Variants in CADPS2 observed in about 807,000 individuals in gnomAD.
CADPS2 encodes calcium-dependent secretion activator 2.
Under a neutral mutation model 172.5 loss-of-function variants are expected in CADPS2, and 93 were observed. The observed-to-expected ratio is 0.54, with a 90% confidence interval of 0.46 to 0.64. The LOEUF is 0.64. Ranked by LOEUF, CADPS2 falls within the 30% of genes least tolerant of loss-of-function variation. CADPS2 has a pLI of 0.00. For missense variants in CADPS2, 1,420 were observed against 1,565.9 expected (o/e 0.91, Z 1.57); for synonymous variants, 546 against 555.2 (o/e 0.98, Z 0.23).
At chr7:122,729,878 G>C (rs917489991) in intron 2 of CADPS2, among the ~76,000 whole-genome samples, 2 of 151,544 alleles carry the variant, frequency 1.3e-5, no homozygotes, top group African/African-American at 4.8e-5. Flanking sequence ...ATGAAGAGGA[G>C]CAGCAGCAGA....
chr7:122,864,046 A>G (rs1402125837), intron 1 of CADPS2, among the ~76,000 whole-genome samples: 1 of 152,120 alleles, frequency 6.6e-6, no homozygotes, highest in Non-Finnish European at 1.5e-5. Context: ...AATAATAAAT[A>G]AAGTGTAGAT....
At chr7:122,384,428 GT>G (rs1329745259) in intron 24 of CADPS2, among the ~76,000 whole-genome samples, 1 of 151,910 alleles carries the variant, frequency 6.6e-6, no homozygotes, top group East Asian at 1.9e-4. Flanking sequence ...TAATGATCTA[GT>G]TTTTTTCAAC....
chr7:122,497,399 A>G (rs1182906441), intron 9 of CADPS2, among the ~76,000 whole-genome samples: 1 of 151,986 alleles, frequency 6.6e-6, no homozygotes, highest in Non-Finnish European at 1.5e-5. Flanking sequence ...CCCTGTCTCT[A>G]TTAAACATTA....
At chr7:122,391,649 A>G (rs537894039) in intron 22 of CADPS2, among the ~76,000 whole-genome samples, 20 of 152,254 alleles carry the variant, frequency 1.3e-4, no homozygotes, top group African/African-American at 4.6e-4. Context: ...ATTCACATGT[A>G]ACATAATATC....
intron 8 of CADPS2, among the ~76,000 whole-genome samples, chr7:122,520,085 T>C (rs2060664212): frequency 6.6e-6 from 1 of 152,026 alleles, no homozygotes; most frequent in African/African-American, 2.4e-5. Context: ...TCTAAAAGCT[T>C]TCATTTGCAA....
chr7:122,544,436 C>T (rs969053408), intron 8 of CADPS2, among the ~76,000 whole-genome samples: 6 of 152,090 alleles, frequency 3.9e-5, no homozygotes, highest in African/African-American at 9.7e-5. Flanking sequence ...TGACTTAAAA[C>T]GACAACGATT....
At chr7:122,641,467 T>C (rs2077635918) in intron 3 of CADPS2, among the ~76,000 whole-genome samples, 2 of 152,220 alleles carry the variant, frequency 1.3e-5, no homozygotes, top group African/African-American at 4.8e-5. Context: ...TTTGTAGAGA[T>C]GCATATTTTT....
intron 7 of CADPS2, among the ~76,000 whole-genome samples, chr7:122,557,926 A>G (rs892652712): frequency 3.9e-5 from 6 of 152,144 alleles, no homozygotes; most frequent in Admixed American, 3.9e-4. Context: ...ATCAAGATAC[A>G]GGTTTGATGT....
chr7:122,786,488 C>T (rs1440994454), intron 1 of CADPS2, among the ~76,000 whole-genome samples: 1 of 152,096 alleles, frequency 6.6e-6, no homozygotes, highest in Non-Finnish European at 1.5e-5. Context: ...TTCTCTTCTA[C>T]CATTTGTCAA....
At chr7:122,481,896 G>A (rs1014202986) in intron 11 of CADPS2, among the ~76,000 whole-genome samples, 38 of 151,842 alleles carry the variant, frequency 2.5e-4, no homozygotes, top group African/African-American at 8.0e-4. Context: ...CTGTAATCCC[G>A]GCTGCTGAGA....
At chr7:122,763,949 G>A (rs1219600397) in intron 1 of CADPS2, among the ~76,000 whole-genome samples, 1 of 152,028 alleles carries the variant, frequency 6.6e-6, no homozygotes, top group Admixed American at 6.6e-5. Context: ...TTGTTTCATT[G>A]ACATATCCAA....
At chr7:122,794,121 CA>C (rs1795864829) in intron 1 of CADPS2, among the ~76,000 whole-genome samples, 2 of 151,886 alleles carry the variant, frequency 1.3e-5, no homozygotes, top group South Asian at 4.1e-4. Flanking sequence ...CTTCTTGCTT[CA>C]TTTCCTAAAC....
chr7:122,856,358 C>T (rs544493109), intron 1 of CADPS2, among the ~76,000 whole-genome samples: 1 of 152,324 alleles, frequency 6.6e-6, no homozygotes, highest in African/African-American at 2.4e-5. Context: ...GGAATCATCT[C>T]TAAATCCTAC....
At chr7:122,579,051 A>G (rs952795453) in intron 7 of CADPS2, among the ~76,000 whole-genome samples, 1 of 152,148 alleles carries the variant, frequency 6.6e-6, no homozygotes, top group African/African-American at 2.4e-5. Flanking sequence ...ATATCAATAT[A>G]CAATTGGAAA....
chr7:122,387,040 C>G lies in CADPS2; in HGVS notation c.3298G>C (p.Asp1100His). The G allele has an allele frequency of 1.3e-6, 2 of 1,557,756 alleles. No individual in the cohort carries two copies. Among genetic ancestry groups the G allele is most frequent in the Non-Finnish European group, 1.7e-6 (2 of 1,149,270 alleles). ...KKQSTKLCAL[D>H]GGQEQQYHSK... ...ATTCTACATACCTCTTGTCCTCCAT[C>G]CAGGGCACAGAGTTTGGTGCTTTGC... Residue 1100 changes from aspartate to histidine, a missense_variant, in exon 24 of 30, where the codon GAT (aspartate) becomes CAT (histidine). Physicochemically the swap from Asp to His is moderately conservative, Grantham distance 81 (BLOSUM62 -1). Coordinates refer to ENST00000449022, the MANE Select transcript of CADPS2 (RefSeq NM_017954.11).
intron 1 of CADPS2, among the ~76,000 whole-genome samples, chr7:122,808,054 G>A (rs1001282850): frequency 2.0e-5 from 3 of 152,106 alleles, no homozygotes; most frequent in Admixed American, 2.0e-4. Flanking sequence ...CTCAGCACTT[G>A]CCACAATAAC....
chr7:122,474,013 G>T (rs1434632873), intron 13 of CADPS2, among the ~76,000 whole-genome samples: 2 of 152,174 alleles, frequency 1.3e-5, no homozygotes, highest in Non-Finnish European at 2.9e-5. Flanking sequence ...CTGGGGAACA[G>T]AACTTCAACC....
chr7:122,541,377 T>TG lies in CADPS2; in HGVS notation c.1475+13172dup, dbSNP rs1295543034. Among the ~76,000 whole-genome samples the TG allele has an allele frequency of 8.7e-3, 1,288 of 148,518 alleles. 12 individuals carry two copies. Among genetic ancestry groups the TG allele is most frequent in the Non-Finnish European group, 0.013 (878 of 66,792 alleles). On this transcript the variant is annotated intron_variant, in intron 8 of 29. Coordinates refer to ENST00000449022, the MANE Select transcript of CADPS2 (RefSeq NM_017954.11). ...ACACCCAGCTATTTTTTTTTTTTTT[T>TG]GTATTTTTAGCAGAGATGGGGTTTT...
intron 9 of CADPS2, among the ~76,000 whole-genome samples, chr7:122,504,624 T>C (rs1460722552): frequency 6.6e-6 from 1 of 152,110 alleles, no homozygotes; most frequent in African/African-American, 2.4e-5. Flanking sequence ...TGGAGTGCAG[T>C]GGTGCGATGA....
Sources: allele counts gnomAD v4.1 joint callset (sites outside exome capture counted in the v4.1 genomes callset), GRCh38; gene constraint gnomAD v4.1.1; transcripts MANE v1.5; gene names NCBI Gene and HGNC (gene_info 2026-07-23, HGNC 2026-07-21).